SFMBT2: variants seen among roughly 807,000 people sequenced by gnomAD.
The protein encoded by SFMBT2 is Scm like with four mbt domains 2.
Under a neutral mutation model 110.1 loss-of-function variants are expected in SFMBT2, and 38 were observed. The observed-to-expected ratio is 0.35, with a 90% confidence interval of 0.27 to 0.45. The LOEUF (loss-of-function observed/expected upper bound fraction) is 0.45, where lower values mean the gene tolerates loss of function less well. Among genes scored for constraint, SFMBT2 ranks in the 20% least tolerant of loss-of-function variants. The pLI is 1.00. For synonymous variants in SFMBT2, 425 were observed against 425.4 expected, an observed-to-expected ratio of 1.00 and a Z score of 0.01; for missense variants, 1,011 against 1,094.9, an observed-to-expected ratio of 0.92 and a Z score of 1.08.
intron 4 of SFMBT2, among the ~76,000 whole-genome samples, chr10:7,314,169 CTT>C (rs1472376239): frequency 7.2e-5 from 11 of 152,186 alleles, no homozygotes; most frequent in African/African-American, 2.7e-4. Flanking sequence ...AGGATTTACT[CTT>C]ATATCCAAAC....
At chr10:7,332,925 G>GGCATGATC (rs1843607460) in intron 4 of SFMBT2, among the ~76,000 whole-genome samples, 1 of 152,192 alleles carries the variant, frequency 6.6e-6, no homozygotes, top group Non-Finnish European at 1.5e-5. Flanking sequence ...GGAGTGCAGT[G>GGCATGATC]GCATGATCTC....
intron 8 of SFMBT2, chr10:7,246,244 T>C (rs759297962): frequency 2.5e-6 from 2 of 809,854 alleles, no homozygotes; most frequent in Non-Finnish European, 3.0e-6. Context: ...GTAAAAATAC[T>C]TTCTCCCTCC....
At chr10:7,257,295 C>G (rs1841048788) in intron 7 of SFMBT2, among the ~76,000 whole-genome samples, 1 of 152,130 alleles carries the variant, frequency 6.6e-6, no homozygotes, top group East Asian at 1.9e-4. Flanking sequence ...AACGTCAGAG[C>G]CTGCCCTGGG....
At chr10:7,357,258 G>A (rs1029048718) in intron 4 of SFMBT2, among the ~76,000 whole-genome samples, 1 of 152,040 alleles carries the variant, frequency 6.6e-6, no homozygotes, top group Non-Finnish European at 1.5e-5. Flanking sequence ...GCTGGGCCAC[G>A]GTGCCCAGAC....
intron 2 of SFMBT2, among the ~76,000 whole-genome samples, chr10:7,373,394 G>A (rs923882232): frequency 3.3e-5 from 5 of 152,146 alleles, no homozygotes; most frequent in South Asian, 2.1e-4. Flanking sequence ...ATGCAGACTC[G>A]GGTATTCTGT....
intron 3 of SFMBT2, chr10:7,368,463 G>GGGT (rs1844972887): frequency 1.9e-6 from 1 of 528,620 alleles, no homozygotes; most frequent in East Asian, 1.5e-4. Context: ...GTCCGCAAGT[G>GGGT]GCCACTGCTG....
intron 10 of SFMBT2, among the ~76,000 whole-genome samples, chr10:7,223,174 G>A (rs1839801088): frequency 6.6e-6 from 1 of 152,164 alleles, no homozygotes; most frequent in Non-Finnish European, 1.5e-5. Context: ...AGACCATATG[G>A]TAAATGAATA....
chr10:7,409,338 G>A (rs1846308751), intron 1 of SFMBT2: 1 of 152,172 alleles, frequency 6.6e-6, no homozygotes, highest in Non-Finnish European at 1.5e-5. Context: ...GCACACACAA[G>A]GCGAGAGCTA....
At chr10:7,373,231 C>T (rs1845107778) in intron 2 of SFMBT2, among the ~76,000 whole-genome samples, 1 of 152,160 alleles carries the variant, frequency 6.6e-6, no homozygotes, top group Non-Finnish European at 1.5e-5. Context: ...CTCTTGCTTC[C>T]TCTTTCCATG....
chr10:7,273,690 C>G (rs1841678455), intron 7 of SFMBT2, among the ~76,000 whole-genome samples: 1 of 152,182 alleles, frequency 6.6e-6, no homozygotes, highest in Admixed American at 6.5e-5. Flanking sequence ...CTGTTCAATT[C>G]CCACCTATGA....
At chr10:7,281,819 T>G (rs1481962421) in intron 6 of SFMBT2, among the ~76,000 whole-genome samples, 5 of 152,154 alleles carry the variant, frequency 3.3e-5, no homozygotes, top group Non-Finnish European at 7.3e-5. Context: ...AGTAAGTTCT[T>G]GATGATGAAT....
intron 4 of SFMBT2, among the ~76,000 whole-genome samples, chr10:7,305,780 C>T (rs1412408630): frequency 1.3e-5 from 2 of 152,242 alleles, no homozygotes; most frequent in African/African-American, 4.8e-5. Flanking sequence ...TGGCACTGGA[C>T]TGAACTGGTT....
In SFMBT2 at chr10:7,393,035, AAT is replaced by A. The variant is rs1845824467; in HGVS notation, c.-51-11088_-51-11087del. ...TATATATATATATATATATATATAT[AAT>A]TTTTTTTTTTTTGAGACAAGAGTCT... On this transcript the variant is annotated intron_variant, in intron 1 of 20. Transcript: ENST00000397167. Among the ~76,000 whole-genome samples the A allele has an allele frequency of 2.0e-4, 4 of 20,340 alleles. No homozygotes were observed. The South Asian group carries it at 3.9e-3, about 20-fold the overall frequency. 13.3% of individuals were successfully genotyped at this position (20,340 alleles called of 152,430 possible).
At chr10:7,355,487 A>G (rs1046425159) in intron 4 of SFMBT2, among the ~76,000 whole-genome samples, 5 of 152,308 alleles carry the variant, frequency 3.3e-5, no homozygotes, top group African/African-American at 1.2e-4. Flanking sequence ...ATGTGAGAAC[A>G]GTGTGAATTT....
intron 4 of SFMBT2, among the ~76,000 whole-genome samples, chr10:7,315,114 GCA>G (rs1262756298): frequency 0.018 from 2,099 of 116,344 alleles, 39 homozygotes; most frequent in Non-Finnish European, 0.024. Context: ...GAAAGAAAAA[GCA>G]AGCAAGCAAG....
At chr10:7,352,603 G>A (rs1440910621) in intron 4 of SFMBT2, among the ~76,000 whole-genome samples, 1 of 152,150 alleles carries the variant, frequency 6.6e-6, no homozygotes, top group Non-Finnish European at 1.5e-5. Context: ...CCAGAATAGA[G>A]GAGTCATATT....
chr10:7,333,411 G>C (rs1275966006), intron 4 of SFMBT2, among the ~76,000 whole-genome samples: 6 of 144,318 alleles, frequency 4.2e-5, no homozygotes, highest in Non-Finnish European at 9.0e-5. Flanking sequence ...TTTTTTTTAA[G>C]GGACAGGGTT....
At chr10:7,307,738 T>C (rs1297311062) in intron 4 of SFMBT2, among the ~76,000 whole-genome samples, 2 of 152,152 alleles carry the variant, frequency 1.3e-5, no homozygotes, top group Non-Finnish European at 2.9e-5. Context: ...AACAAGAATA[T>C]AGAATACATT....
chr10:7,347,775 G>A lies in SFMBT2; in HGVS notation c.436+19874C>T, dbSNP rs549111514. Among the ~76,000 whole-genome samples the A allele has an allele frequency of 4.6e-5, 7 of 152,234 alleles. 1 individual carries two copies. In the South Asian group the frequency reaches 1.5e-3, roughly 32 times the overall value. Reference sequence around the variant, plus strand: ...TGTACTTTGATGAGGAAGGGCCACGGCCAATTATGGTAATAGAATTTTTAA... The same window carrying A: ...TGTACTTTGATGAGGAAGGGCCACGACCAATTATGGTAATAGAATTTTTAA... On this transcript the variant is annotated intron_variant, in intron 4 of 20. Transcript: ENST00000397167.
Sources: gnomAD v4.1 joint callset for allele counts (sites outside exome capture counted in the v4.1 genomes callset) on GRCh38, gnomAD v4.1.1 for gene constraint, MANE v1.5 for transcripts, NCBI Gene and HGNC (gene_info 2026-07-23, HGNC 2026-07-21) for gene names.